Variants in ARK2C observed in about 807,000 individuals in gnomAD.
ARK2C encodes the protein E3 ubiquitin-protein ligase ARK2C.
At chr18:46,359,589 T>C in the ARK2C span, among the ~76,000 whole-genome samples, 19 of 152,196 alleles carry the variant, frequency 1.2e-4, no homozygotes, top group Admixed American at 8.5e-4. Context: ...AGCCATGGAC[T>C]CCACCTGAAA....
chr18:46,383,018 C>T, the ARK2C span, among the ~76,000 whole-genome samples: 5 of 152,248 alleles, frequency 3.3e-5, no homozygotes, highest in Non-Finnish European at 5.9e-5. Flanking sequence ...CTCATGCACC[C>T]CCTAGCCTGC....
chr18:46,356,069 C>A, the ARK2C span, among the ~76,000 whole-genome samples: 1 of 152,196 alleles, frequency 6.6e-6, no homozygotes, highest in African/African-American at 2.4e-5. Flanking sequence ...AGGCCCCTGG[C>A]CCAAATCTCC....
At chr18:46,428,192 C>T in the ARK2C span, among the ~76,000 whole-genome samples, 6 of 151,912 alleles carry the variant, frequency 3.9e-5, no homozygotes, top group Admixed American at 3.9e-4. Flanking sequence ...TGGCGGACCA[C>T]GAGGTCAGGA....
At chr18:46,443,379 A>G in the ARK2C span, among the ~76,000 whole-genome samples, 3 of 152,268 alleles carry the variant, frequency 2.0e-5, no homozygotes, top group South Asian at 2.1e-4. Context: ...ATCACACTCT[A>G]CCCTAAAATA....
At chr18:46,404,493 C>T in the ARK2C span, among the ~76,000 whole-genome samples, 1 of 152,078 alleles carries the variant, frequency 6.6e-6, no homozygotes, top group Non-Finnish European at 1.5e-5. Flanking sequence ...GTGGCTCACA[C>T]CTGTAATCCC....
At chr18:46,455,540 A>C in the ARK2C span, among the ~76,000 whole-genome samples, 1 of 152,106 alleles carries the variant, frequency 6.6e-6, no homozygotes, top group Non-Finnish European at 1.5e-5. Flanking sequence ...TCTGGGTATT[A>C]CTTAAGAACT....
chr18:46,369,507 A>G, the ARK2C span, among the ~76,000 whole-genome samples: 1 of 152,072 alleles, frequency 6.6e-6, no homozygotes, highest in Non-Finnish European at 1.5e-5. Context: ...GGAGTCAGGG[A>G]ACGAGAAATG....
At chr18:46,387,401 G>A in the ARK2C span, among the ~76,000 whole-genome samples, 1 of 152,192 alleles carries the variant, frequency 6.6e-6, no homozygotes, top group Non-Finnish European at 1.5e-5. Context: ...GACAGTGCAG[G>A]CCTTTGGGAG....
the ARK2C span, among the ~76,000 whole-genome samples, chr18:46,396,353 G>A: frequency 5.3e-5 from 8 of 152,106 alleles, no homozygotes; most frequent in African/African-American, 1.9e-4. Flanking sequence ...CTGGAAGCTC[G>A]TGGCCCATCA....
At chr18:46,450,404 T>G in the ARK2C span, 1 of 1,593,790 alleles carries the variant, frequency 6.3e-7, no homozygotes, top group Non-Finnish European at 8.6e-7. Flanking sequence ...CTATGAGGTA[T>G]GTTGCTCTGT....
the ARK2C span, among the ~76,000 whole-genome samples, chr18:46,441,185 G>A: frequency 1.1e-4 from 17 of 152,186 alleles, no homozygotes; most frequent in South Asian, 2.1e-3. Context: ...TAGAGACAGA[G>A]TCTTGCTATG....
chr18:46,386,032 C>T, the ARK2C span: 1 of 152,232 alleles, frequency 6.6e-6, no homozygotes, highest in Non-Finnish European at 1.5e-5. Flanking sequence ...ATCTGGGCCT[C>T]TTTCTCAGCT....
At chr18:46,391,084 G>A in the ARK2C span, among the ~76,000 whole-genome samples, 1 of 152,224 alleles carries the variant, frequency 6.6e-6, no homozygotes, top group Admixed American at 6.5e-5. Context: ...CTGGGTGGCT[G>A]TGGAGAGAGT....
At chr18:46,368,524 G>A in the ARK2C span, among the ~76,000 whole-genome samples, 1 of 152,182 alleles carries the variant, frequency 6.6e-6, no homozygotes. Flanking sequence ...GCTTGGCCTG[G>A]GTTTTGTTCC....
the ARK2C span, among the ~76,000 whole-genome samples, chr18:46,372,239 A>G: frequency 6.6e-6 from 1 of 151,390 alleles, no homozygotes; most frequent in Non-Finnish European, 1.5e-5. Flanking sequence ...TCAGGTTGGC[A>G]GCATAGTATT....
the ARK2C span, among the ~76,000 whole-genome samples, chr18:46,392,231 CTCACCTGG>C: frequency 6.6e-6 from 1 of 152,212 alleles, no homozygotes; most frequent in Non-Finnish European, 1.5e-5. Context: ...CTGTTCCCCT[CTCACCTGG>C]TCACCTTACC....
the ARK2C span, among the ~76,000 whole-genome samples, chr18:46,444,134 A>T: frequency 7.9e-5 from 12 of 152,104 alleles, no homozygotes; most frequent in East Asian, 2.1e-3. Flanking sequence ...TCTTACCTAC[A>T]TTCTTCTATG....
chr18:46,414,248 G>A, the ARK2C span, among the ~76,000 whole-genome samples: 1 of 152,232 alleles, frequency 6.6e-6, no homozygotes, highest in Admixed American at 6.5e-5. Context: ...TCTCTGGGCA[G>A]ATGTGTCTTC....
the ARK2C span, among the ~76,000 whole-genome samples, chr18:46,361,121 TA>T: frequency 6.6e-6 from 1 of 152,170 alleles, no homozygotes; most frequent in Non-Finnish European, 1.5e-5. Context: ...ATGCCCAGTG[TA>T]AAAAAATTTT....
Sources: allele counts gnomAD v4.1 joint callset (sites outside exome capture counted in the v4.1 genomes callset), GRCh38; gene constraint gnomAD v4.1.1; transcripts MANE v1.5; gene names NCBI Gene and HGNC (gene_info 2026-07-23, HGNC 2026-07-21).